AK8: variants seen among roughly 807,000 people sequenced by gnomAD.
AK8 encodes the protein ATP-AMP transphosphorylase 8.
In AK8, 44 loss-of-function variants were observed where a neutral mutation model predicts 54.6. The ratio of observed to expected loss-of-function variants is 0.81; its 90% CI spans 0.63 to 1.04. The LOEUF is 1.04. Ranked by LOEUF, AK8 falls within the 50% of genes least tolerant of loss-of-function variation. The pLI is 0.00. For missense variants in AK8, 555 were observed against 613.6 expected, an observed-to-expected ratio of 0.90 and a Z score of 1.01; for synonymous variants, 239 against 245.6, an observed-to-expected ratio of 0.97 and a Z score of 0.25.
intron 11 of AK8, among the ~76,000 whole-genome samples, chr9:132,772,513 A>G (rs989414054): frequency 9.9e-5 from 15 of 152,242 alleles, no homozygotes; most frequent in African/African-American, 3.4e-4. Flanking sequence ...GAGGCCTCAG[A>G]AGAAACCAAA....
At chr9:132,868,211 CTAG>C (rs780182887) in intron 2 of AK8, among the ~76,000 whole-genome samples, 14 of 152,196 alleles carry the variant, frequency 9.2e-5, no homozygotes, top group Non-Finnish European at 1.8e-4. Flanking sequence ...GCTGTATCTT[CTAG>C]TTTGGAGGCA....
At chr9:132,877,756 C>A (rs1278908080) in intron 1 of AK8, 1 of 446,660 alleles carries the variant, frequency 2.2e-6, no homozygotes, top group Non-Finnish European at 4.5e-6. Context: ...ACCTCAGAAA[C>A]CTGGGCCGAG....
chr9:132,814,581 A>G (rs1841230345), intron 10 of AK8, 57 bp downstream of exon 10: 1 of 1,532,548 alleles, frequency 6.5e-7, no homozygotes, highest in Non-Finnish European at 8.9e-7. Flanking sequence ...GCCGCACAAA[A>G]AGAAAGTTCT....
At chr9:132,746,460 A>G (rs1168116268) in intron 11 of AK8, among the ~76,000 whole-genome samples, 2 of 152,256 alleles carry the variant, frequency 1.3e-5, no homozygotes, top group Admixed American at 1.3e-4. Context: ...CTAAGGGGAC[A>G]GGGATGGCAA....
At chr9:132,874,795 C>A (rs757899262) in intron 2 of AK8, among the ~76,000 whole-genome samples, 16 of 152,256 alleles carry the variant, frequency 1.1e-4, no homozygotes, top group Non-Finnish European at 1.9e-4. Flanking sequence ...TCAGCTAGGG[C>A]AGGCGAAAGC....
At chr9:132,878,363 C>A (rs1408468325), upstream of AK8, 13 of 1,253,148 alleles carry the variant, frequency 1.0e-5, no homozygotes, top group African/African-American at 1.6e-5. This position sits in a 1 kb window ranked among gnomAD's most constrained non-coding sequence, Gnocchi z 4.7. Flanking sequence ...CCGCGCCGGG[C>A]CCAGATACCC....
chr9:132,792,495 T>C lies in AK8; in HGVS notation c.1121+139A>G, dbSNP rs1424397450. 26 of 1,252,058 alleles carry C rather than the reference T, an allele frequency of 2.1e-5. No individual in the cohort carries two copies. In the South Asian group the frequency reaches 3.6e-4, roughly 17 times the overall value. The allele number at this position is 1,252,058 out of a possible 1,614,324, so 77.6% of individuals were successfully genotyped here. A position where few individuals can be genotyped will look rare whatever the true frequency, so the allele number is the denominator to read the frequency against. On this transcript the variant is annotated intron_variant, in intron 11 of 12. Transcript: ENST00000298545. ...TAGTCCACCGGGCAGATGGGATGGG[T>C]GGGAATGGGGATGACCAGGAGACAT...
In AK8 at chr9:132,805,943, C is replaced by T. The variant is rs149985014; in HGVS notation, c.979+8695G>A. On this transcript the variant is annotated intron_variant, in intron 10 of 12. Transcript: ENST00000298545. ...GGGTTCCTTTAAAATGCATAAATTA[C>T]AGGGGGCATCCATTAATAAACCTCT... is the stretch of plus-strand genomic sequence containing the variant. 1.1e-3 allele frequency among the ~76,000 whole-genome samples: 170 copies of T among 152,058 alleles called. 1 individual carries two copies. Among genetic ancestry groups the T allele is most frequent in the African/African-American group, 4.0e-3 (164 of 41,474 alleles).
At chr9:132,757,715 C>A (rs917792485) in intron 11 of AK8, among the ~76,000 whole-genome samples, 1 of 152,112 alleles carries the variant, frequency 6.6e-6, no homozygotes, top group Non-Finnish European at 1.5e-5. Context: ...TTGTGGCCAG[C>A]CCCCCGAAAC....
chr9:132,741,258 G>A (rs111881077), intron 11 of AK8, among the ~76,000 whole-genome samples: 3,713 of 152,300 alleles, frequency 0.024, 49 homozygotes, highest in Non-Finnish European at 0.028. Context: ...CCCCGACACT[G>A]CTCCTTCATG....
chr9:132,783,381 A>C (rs1379317597), intron 11 of AK8, among the ~76,000 whole-genome samples: 1 of 152,218 alleles, frequency 6.6e-6, no homozygotes. Context: ...ATTTGAAGAC[A>C]ATAAATTTGT....
At chr9:132,814,555 C>T in intron 10 of AK8, 83 bp downstream of exon 10, 1 of 1,355,746 alleles carries the variant, frequency 7.4e-7, no homozygotes, top group Non-Finnish European at 1.0e-6. Context: ...ATTTTGAGCC[C>T]CTGAATGTTC....
intron 11 of AK8, among the ~76,000 whole-genome samples, chr9:132,730,056 A>T (rs372451036): frequency 7.2e-5 from 11 of 152,172 alleles, no homozygotes; most frequent in African/African-American, 2.7e-4. Flanking sequence ...GTTAGGCGGG[A>T]CTATGACCTT....
chr9:132,810,112 C>T (rs895226781), intron 10 of AK8, among the ~76,000 whole-genome samples: 1 of 152,204 alleles, frequency 6.6e-6, no homozygotes, highest in African/African-American at 2.4e-5. Flanking sequence ...AATGTAAATG[C>T]ATTCTTTGTT....
intron 5 of AK8, among the ~76,000 whole-genome samples, chr9:132,844,724 C>A (rs922824918): frequency 2.0e-5 from 3 of 152,142 alleles, no homozygotes; most frequent in Non-Finnish European, 2.9e-5. Context: ...TGGACATGAT[C>A]AGAATCACAG....
chr9:132,776,262 G>A (rs922928106), intron 11 of AK8, among the ~76,000 whole-genome samples: 7 of 152,152 alleles, frequency 4.6e-5, no homozygotes, highest in African/African-American at 1.7e-4. Flanking sequence ...CCTTGGGCTC[G>A]AGCCCAGGGG....
In AK8 at chr9:132,817,168, T is replaced by C. The variant is rs1315460666; in HGVS notation, c.890-2441A>G. On this transcript the variant is annotated intron_variant, in intron 9 of 12. Coordinates refer to ENST00000298545, the MANE Select transcript of AK8 (RefSeq NM_152572.3). ...AAAGGGCAGACCTTAGCTGCAGGGA[T>C]ACTCTAGCCCTAGAGTAAGAACACT... Among the ~76,000 whole-genome samples the C allele has an allele frequency of 3.3e-5, 5 of 152,294 alleles. No individual in the cohort carries two copies. In the East Asian group the frequency reaches 9.7e-4, roughly 29 times the overall value.
intron 5 of AK8, among the ~76,000 whole-genome samples, chr9:132,830,268 T>C (rs1842051026): frequency 6.6e-6 from 1 of 152,250 alleles, no homozygotes; most frequent in South Asian, 2.1e-4. Context: ...CAATGTTGTA[T>C]ATGCATCTCG....
chr9:132,860,381 C>A lies in AK8; in HGVS notation c.333+3284G>T, dbSNP rs1312510115. Among the ~76,000 whole-genome samples the A allele has an allele frequency of 6.6e-6, 1 of 152,204 alleles. No homozygotes were observed. The highest frequency in any genetic ancestry group is 6.5e-5 in the Admixed American group (1 of 15,280). ...TTTGGGTTGCGGAAATAAATGAAGA[C>A]CTCCCAAATGAGACAAGCCAAGGCT... On this transcript the variant is annotated intron_variant, in intron 4 of 12. Coordinates refer to ENST00000298545, the MANE Select transcript of AK8 (RefSeq NM_152572.3). The surrounding 1 kb of genome is among the most constrained non-coding windows in gnomAD (Gnocchi z 4.4).
Sources: allele counts gnomAD v4.1 joint callset (sites outside exome capture counted in the v4.1 genomes callset), GRCh38; gene constraint gnomAD v4.1.1; non-coding constraint Gnocchi (gnomAD v3.1); transcripts MANE v1.5; gene names NCBI Gene and HGNC (gene_info 2026-07-23, HGNC 2026-07-21).